CACNA2D3: variants seen among roughly 807,000 people sequenced by gnomAD.
CACNA2D3 encodes voltage-dependent calcium channel subunit alpha-2/delta-3.
In CACNA2D3, 60 loss-of-function variants were observed where a neutral mutation model predicts 160.6. The ratio of observed to expected loss-of-function variants is 0.37; its 90% CI spans 0.30 to 0.46. The LOEUF is 0.46. Among genes scored for constraint, CACNA2D3 ranks in the 20% least tolerant of loss-of-function variants. The probability of loss-of-function intolerance (pLI) is 1.00; values close to 1 mark genes in which losing one functional copy is unlikely to be tolerated. For missense variants in CACNA2D3, 1,205 were observed against 1,365.0 expected, an observed-to-expected ratio of 0.88 and a Z score of 1.85; for synonymous variants, 558 against 492.9, an observed-to-expected ratio of 1.13 and a Z score of -1.75.
At chr3:54,700,292 CTTTG>C (rs2106946482) in intron 11 of CACNA2D3, among the ~76,000 whole-genome samples, 1 of 152,316 alleles carries the variant, frequency 6.6e-6, no homozygotes, top group South Asian at 2.1e-4. Context: ...ATACTGATTT[CTTTG>C]TTTATTTATG....
chr3:54,342,970 T>A (rs11718321), intron 3 of CACNA2D3, among the ~76,000 whole-genome samples: 17,413 of 152,218 alleles, frequency 0.11, 1,099 homozygotes, highest in African/African-American at 0.16. Flanking sequence ...TGCACGTTTG[T>A]GCCAAGACCA....
At chr3:54,812,312 C>G (rs1703338574) in intron 13 of CACNA2D3, among the ~76,000 whole-genome samples, 1 of 152,186 alleles carries the variant, frequency 6.6e-6, no homozygotes, top group Admixed American at 6.5e-5. Context: ...AATAACTTTG[C>G]TACCAATTGC....
rs550240318 is a variant in CACNA2D3, at chr3:54,818,414, T to A, written c.1398+1544T>A. Among the ~76,000 whole-genome samples, 18 of 152,262 alleles carry A rather than the reference T, an allele frequency of 1.2e-4. No homozygotes were observed. The East Asian group carries it at 3.5e-3, about 29-fold the overall frequency. Reference sequence around the variant, plus strand: ...CAGGCTGATCTTGAATTCCTGACCTTAGGTGATCTGCCTGCCTCGGCCTCA... The same window carrying A: ...CAGGCTGATCTTGAATTCCTGACCTAAGGTGATCTGCCTGCCTCGGCCTCA... On this transcript the variant is annotated intron_variant, in intron 14 of 37. Transcript: ENST00000474759.
intron 11 of CACNA2D3, among the ~76,000 whole-genome samples, chr3:54,663,242 C>T (rs909021961): frequency 2.0e-5 from 3 of 152,182 alleles, no homozygotes; most frequent in African/African-American, 7.2e-5. Flanking sequence ...AACTGACTAG[C>T]CTCTCTCTAG....
At chr3:54,256,010 A>G (rs1158444238) in intron 2 of CACNA2D3, among the ~76,000 whole-genome samples, 8 of 152,190 alleles carry the variant, frequency 5.3e-5, no homozygotes, top group Non-Finnish European at 1.2e-4. Flanking sequence ...GCAAAAGCAT[A>G]GTTGGAAATA....
intron 2 of CACNA2D3, among the ~76,000 whole-genome samples, chr3:54,168,284 T>A (rs770884835): frequency 2.6e-5 from 4 of 152,230 alleles, no homozygotes; most frequent in Non-Finnish European, 5.9e-5. Flanking sequence ...AGTTTGTAAC[T>A]TCCATTCGCT....
intron 9 of CACNA2D3, chr3:54,626,129 A>T: frequency 1.6e-6 from 1 of 628,920 alleles, no homozygotes; most frequent in South Asian, 2.0e-5. Flanking sequence ...GGAGAAAATA[A>T]TCCATTTCAA....
At chr3:54,937,127 A>C (rs1248924246) in intron 27 of CACNA2D3, among the ~76,000 whole-genome samples, 9 of 152,110 alleles carry the variant, frequency 5.9e-5, no homozygotes, top group Non-Finnish European at 1.3e-4. Context: ...AGGTGAAGAC[A>C]CCCTTACTTA....
chr3:54,603,432 G>A (rs1004328407), intron 9 of CACNA2D3, among the ~76,000 whole-genome samples: 6 of 152,114 alleles, frequency 3.9e-5, no homozygotes, highest in African/African-American at 1.4e-4. Flanking sequence ...ATCCTTAGGG[G>A]TCTCTCTGGC....
At chr3:54,304,254 G>A (rs941615557) in intron 2 of CACNA2D3, among the ~76,000 whole-genome samples, 2 of 152,098 alleles carry the variant, frequency 1.3e-5, no homozygotes, top group African/African-American at 2.4e-5. Context: ...CTTCAAATGA[G>A]CCTCCCCTCT....
intron 3 of CACNA2D3, among the ~76,000 whole-genome samples, chr3:54,378,765 C>T (rs1699051766): frequency 6.6e-6 from 1 of 152,226 alleles, no homozygotes; most frequent in South Asian, 2.1e-4. Flanking sequence ...GTCTCTTCTT[C>T]ATACCTCTCC....
intron 33 of CACNA2D3, among the ~76,000 whole-genome samples, chr3:55,008,888 TACACACACACACAC>T (rs4024588): frequency 5.6e-5 from 8 of 142,988 alleles, no homozygotes; most frequent in Non-Finnish European, 3.1e-5. Flanking sequence ...CCTCCCTCTA[TACACACACACACAC>T]ACACACACAC....
chr3:54,432,664 A>ATG (rs1700006409), intron 4 of CACNA2D3, among the ~76,000 whole-genome samples: 1 of 152,200 alleles, frequency 6.6e-6, no homozygotes, highest in South Asian at 2.1e-4. Flanking sequence ...CACATTAAGA[A>ATG]TGTGAGGCTT....
chr3:54,132,873 C>T (rs989910768), intron 2 of CACNA2D3, among the ~76,000 whole-genome samples: 3 of 152,088 alleles, frequency 2.0e-5, no homozygotes, highest in Non-Finnish European at 4.4e-5. Flanking sequence ...TCGCACCTCT[C>T]AAATGGGCAC....
intron 2 of CACNA2D3, among the ~76,000 whole-genome samples, chr3:54,137,651 T>C (rs967519447): frequency 6.6e-6 from 1 of 152,218 alleles, no homozygotes; most frequent in South Asian, 2.1e-4. Context: ...ATGTGAAACA[T>C]GTTTCATGAA....
intron 2 of CACNA2D3, among the ~76,000 whole-genome samples, chr3:54,148,091 C>A (rs1397973961): frequency 6.6e-6 from 1 of 152,238 alleles, no homozygotes; most frequent in Admixed American, 6.5e-5. Context: ...GCCACTGCGC[C>A]CAGCTGATGG....
chr3:54,148,974 C>CTA (rs1553735007), intron 2 of CACNA2D3, among the ~76,000 whole-genome samples: 6,583 of 116,498 alleles, frequency 0.057, 438 homozygotes, highest in East Asian at 0.22. Context: ...AAAACTCCAT[C>CTA]AAAAAAAAAA....
chr3:54,758,050 A>G (rs1245271702), intron 12 of CACNA2D3, among the ~76,000 whole-genome samples: 2 of 152,190 alleles, frequency 1.3e-5, no homozygotes, highest in Non-Finnish European at 2.9e-5. Flanking sequence ...CAAAGGCCAG[A>G]GCTGGGATTT....
intron 3 of CACNA2D3, among the ~76,000 whole-genome samples, chr3:54,374,687 G>A (rs1419647993): frequency 6.6e-6 from 1 of 152,166 alleles, no homozygotes; most frequent in Non-Finnish European, 1.5e-5. Context: ...AGGGCACCAA[G>A]CTATAGGTTG....
Sources: gnomAD v4.1 joint callset for allele counts (sites outside exome capture counted in the v4.1 genomes callset) on GRCh38, gnomAD v4.1.1 for gene constraint, MANE v1.5 for transcripts, NCBI Gene and HGNC (gene_info 2026-07-23, HGNC 2026-07-21) for gene names.